Variants in FLRT1 observed in about 807,000 individuals in gnomAD.
FLRT1 encodes fibronectin leucine rich transmembrane protein 1.
Under a neutral mutation model 30.9 loss-of-function variants are expected in FLRT1, and 14 were observed. The observed-to-expected ratio is 0.45, with a 90% CI of 0.30 to 0.71. The LOEUF (loss-of-function observed/expected upper bound fraction) is 0.71, where lower values mean the gene tolerates loss of function less well. Ranked by LOEUF, FLRT1 falls within the 30% of genes least tolerant of loss-of-function variation. FLRT1 has a pLI of 0.08. For missense variants in FLRT1, 737 were observed against 949.2 expected (o/e 0.78, Z 2.94); for synonymous variants, 368 against 430.4 (o/e 0.85, Z 1.80).
chr11:64,039,662 G>C (rs1057011279), intron 1 of FLRT1, among the ~76,000 whole-genome samples: 1 of 152,220 alleles, frequency 6.6e-6, no homozygotes, highest in Non-Finnish European at 1.5e-5. Flanking sequence ...GAGACACCAA[G>C]AGGGTTCCAT....
chr11:64,115,925 C>T (rs998559848), intron 2 of FLRT1, among the ~76,000 whole-genome samples: 3 of 152,200 alleles, frequency 2.0e-5, no homozygotes, highest in African/African-American at 2.4e-5. Context: ...CCTGAGGCTC[C>T]GGATCACATT....
chr11:64,058,403 T>TG lies in FLRT1; in HGVS notation c.-1038+22253dup, dbSNP rs36076587. Among the ~76,000 whole-genome samples, 491 of 151,378 alleles carry TG rather than the reference T, an allele frequency of 3.2e-3. 2 individuals carry two copies. Among genetic ancestry groups the TG allele is most frequent in the African/African-American group, 7.1e-3 (292 of 41,352 alleles). ...CAGTCACCTGCAGGTGAGGAGGGCT[T>TG]GGGGGGGGGTCCTCCCCTGTATGCC... is the stretch of plus-strand genomic sequence containing the variant. On this transcript the variant is annotated intron_variant, in intron 1 of 2. Transcript: ENST00000682287.
At position 64,044,251 on chromosome 11, in the gene FLRT1, C is replaced by CTT. The variant is rs34174027; in HGVS notation, c.-1038+8109_-1038+8110dup. Among the ~76,000 whole-genome samples the CTT allele has an allele frequency of 1.9e-3, 261 of 140,434 alleles. 1 individual carries two copies. The highest frequency in any genetic ancestry group is 6.1e-3 in the African/African-American group (233 of 38,158). The allele number at this position is 140,434 out of a possible 152,430, so 92.1% of individuals were successfully genotyped here. On this transcript the variant is annotated intron_variant, in intron 1 of 2. Coordinates refer to ENST00000682287, the MANE Select transcript of FLRT1 (RefSeq NM_013280.5). Reference sequence around the variant, plus strand: ...TGGTGGTTGGCAGTTCCCCCAACAACTTTTTTTTTTTTTTTTTTGAGATGG... The same window carrying CTT: ...TGGTGGTTGGCAGTTCCCCCAACAACTTTTTTTTTTTTTTTTTTTTGAGATGG...
rs561134620 is a variant in FLRT1 at position 64,056,591 on chromosome 11, C to A, written c.-1038+20432C>A. Among the ~76,000 whole-genome samples, 106 of 152,328 alleles carry A rather than the reference C, an allele frequency of 7.0e-4. 1 individual carries two copies. The highest frequency in any genetic ancestry group is 2.5e-4 in the Non-Finnish European group (17 of 68,012). On this transcript the variant is annotated intron_variant, in intron 1 of 2. Transcript: ENST00000682287. ...GCCCCAAAGGCTGCGGCCAGGGTGGCCAGCCCTGAGTCCGGATGGCAGCAG... is the reference window on the plus strand; with the variant it reads ...GCCCCAAAGGCTGCGGCCAGGGTGGACAGCCCTGAGTCCGGATGGCAGCAG...
intron 1 of FLRT1, among the ~76,000 whole-genome samples, chr11:64,088,876 G>A (rs990080414): frequency 9.2e-5 from 14 of 152,126 alleles, no homozygotes; most frequent in African/African-American, 3.4e-4. Context: ...AGGCGGAATC[G>A]GGTGTATTGA....
Position 64,118,225 on chromosome 11 carries a change from T to C in FLRT1, c.1958T>C (p.Ile653Thr), listed in dbSNP as rs79628679. The part of the protein sequence containing the change: ...GSSLCKATHT[I>T]GYGTTRGYRD... ...AGCCTCTGCAAGGCCACACACACCATTGGCTACGGCACCACGCGGGGCTAC... is the reference window on the plus strand; with the variant it reads ...AGCCTCTGCAAGGCCACACACACCACTGGCTACGGCACCACGCGGGGCTAC... Residue 653 changes from isoleucine to threonine, a missense_variant, in exon 3 of 3, where the codon ATT becomes ACT. Transcript: ENST00000682287. The C allele has an allele frequency of 2.1e-4, 334 of 1,612,654 alleles. 1 individual carries two copies. The East Asian group carries it at 2.3e-3, about 11-fold the overall frequency.
chr11:64,109,692 G>A (rs767971722), intron 2 of FLRT1, among the ~76,000 whole-genome samples: 3 of 152,130 alleles, frequency 2.0e-5, no homozygotes, highest in Non-Finnish European at 2.9e-5. Flanking sequence ...AGGCTGGTGC[G>A]GCCCCACAGG....
At chr11:64,072,170 G>C (rs1423202161) in intron 1 of FLRT1, among the ~76,000 whole-genome samples, 3 of 152,192 alleles carry the variant, frequency 2.0e-5, no homozygotes, top group African/African-American at 7.2e-5. Context: ...GGCTGGGCCT[G>C]GGGGGACTTG....
At position 64,091,112 on chromosome 11, in the gene FLRT1, G is replaced by A. The variant is rs565151582; in HGVS notation, c.-1037-12082G>A. Among the ~76,000 whole-genome samples the A allele has an allele frequency of 3.2e-3, 450 of 138,730 alleles. 3 individuals carry two copies. The highest frequency in any genetic ancestry group is 5.3e-3 in the Non-Finnish European group (341 of 64,030). The allele number at this position is 138,730 out of a possible 152,430, so 91.0% of individuals were successfully genotyped here. ...AGGAGGGGAGAAGGGAGAGGAGAAG[G>A]AGGGAAGAGAGGGTGGGGAGGGGGC... On this transcript the variant is annotated intron_variant, in intron 1 of 2. Coordinates refer to ENST00000682287, the MANE Select transcript of FLRT1 (RefSeq NM_013280.5).
At chr11:64,071,522 G>T (rs148988178) in intron 1 of FLRT1, among the ~76,000 whole-genome samples, 75 of 152,270 alleles carry the variant, frequency 4.9e-4, no homozygotes, top group African/African-American at 1.8e-3. Flanking sequence ...TCACCCTGGG[G>T]CCCATCCCAG....
At chr11:64,069,188 G>A (rs982671284) in intron 1 of FLRT1, among the ~76,000 whole-genome samples, 2 of 152,232 alleles carry the variant, frequency 1.3e-5, no homozygotes, top group Non-Finnish European at 2.9e-5. Flanking sequence ...GAGCAGAGCA[G>A]GAGGGCCACT....
intron 1 of FLRT1, among the ~76,000 whole-genome samples, chr11:64,059,830 G>A (rs1943862965): frequency 7.9e-5 from 12 of 152,190 alleles, no homozygotes; most frequent in Admixed American, 7.8e-4. Context: ...ACCCCGAGAG[G>A]CCCGCCCCTA....
chr11:64,039,243 C>T (rs535447084), intron 1 of FLRT1, among the ~76,000 whole-genome samples: 52 of 151,092 alleles, frequency 3.4e-4, no homozygotes, highest in Admixed American at 1.8e-3. Context: ...CAAGAAGGGG[C>T]GTGGGTGTGG....
chr11:64,057,788 T>C (rs1182079667), intron 1 of FLRT1, among the ~76,000 whole-genome samples: 1 of 152,236 alleles, frequency 6.6e-6, no homozygotes, highest in African/African-American at 2.4e-5. Flanking sequence ...GCGCTTACTC[T>C]GTACTTGGTG....
chr11:64,081,060 C>G (rs1177803609), intron 1 of FLRT1, among the ~76,000 whole-genome samples: 2 of 152,166 alleles, frequency 1.3e-5, no homozygotes, highest in African/African-American at 4.8e-5. Context: ...CTTGCCCTGT[C>G]CCCTAGGCTG....
At chr11:64,066,579 T>C (rs1270893409) in intron 1 of FLRT1, among the ~76,000 whole-genome samples, 2 of 150,710 alleles carry the variant, frequency 1.3e-5, no homozygotes, top group East Asian at 3.9e-4. Flanking sequence ...TGATCCTACC[T>C]GTGAATAGCC....
chr11:64,111,829 G>T (rs1170296982), intron 2 of FLRT1, among the ~76,000 whole-genome samples: 2 of 152,246 alleles, frequency 1.3e-5, no homozygotes, highest in Non-Finnish European at 2.9e-5. Flanking sequence ...GAGGTGGTCA[G>T]ATAAGGGTCA....
intron 1 of FLRT1, among the ~76,000 whole-genome samples, chr11:64,059,006 C>T (rs1943845987): frequency 6.6e-6 from 1 of 152,180 alleles, no homozygotes; most frequent in African/African-American, 2.4e-5. Context: ...TCACTGTCTA[C>T]TGGATGGGCT....
At chr11:64,098,392 A>C (rs1461783599) in intron 1 of FLRT1, among the ~76,000 whole-genome samples, 1 of 152,178 alleles carries the variant, frequency 6.6e-6, no homozygotes, top group Non-Finnish European at 1.5e-5. Context: ...CCTCAGCCTG[A>C]AATGTTCTTC....
Sources: gnomAD v4.1 joint callset for allele counts (sites outside exome capture counted in the v4.1 genomes callset) on GRCh38, gnomAD v4.1.1 for gene constraint, MANE v1.5 for transcripts, NCBI Gene and HGNC (gene_info 2026-07-23, HGNC 2026-07-21) for gene names.